The following PIAS1 variants were observed in gnomAD, a reference collection of about 807,000 sequenced individuals.
PIAS1 encodes E3 SUMO-protein ligase PIAS1.
PIAS1 carries 6 observed loss-of-function variants against 71.3 expected under a neutral mutation model. The observed-to-expected ratio is 0.08, with a 90% CI of 0.05 to 0.17. PIAS1 has a LOEUF of 0.17. PIAS1 is among the 10% of genes least tolerant of loss of function. The pLI is 1.00. For synonymous variants in PIAS1, 303 were observed against 292.9 expected, an observed-to-expected ratio of 1.03 and a Z score of -0.35; for missense variants, 555 against 793.6, an observed-to-expected ratio of 0.70 and a Z score of 3.61.
intron 2 of PIAS1, among the ~76,000 whole-genome samples, chr15:68,112,951 ATG>A (rs1288219049): frequency 1.3e-5 from 2 of 152,328 alleles, no homozygotes; most frequent in East Asian, 3.9e-4. Flanking sequence ...AAACATGAAA[ATG>A]ACCTAAGTGT....
chr15:68,120,452 A>G (rs546197486), intron 2 of PIAS1, among the ~76,000 whole-genome samples: 124 of 151,586 alleles, frequency 8.2e-4, no homozygotes, highest in African/African-American at 2.6e-3. Context: ...TTAATGATTC[A>G]ATTTTTGTCT....
intron 7 of PIAS1, among the ~76,000 whole-genome samples, chr15:68,163,094 TTTAG>T (rs1459100580): frequency 2.0e-5 from 3 of 152,288 alleles, no homozygotes; most frequent in East Asian, 1.9e-4. Context: ...TAGCCCTTCG[TTTAG>T]TTAGTTGACA....
rs562578867 is a variant in PIAS1 at position 68,190,145 on chromosome 15, G to C, written c.*2310G>C. 6.6e-6 allele frequency: 1 copy of C among 152,256 alleles called. No homozygotes were observed. Among genetic ancestry groups the C allele is most frequent in the African/African-American group, 2.4e-5 (1 of 41,554 alleles). 9.4% of individuals were successfully genotyped at this position (152,256 alleles called of 1,614,324 possible). ...TCTACTTTCTTCAGTTGTAGAAAAG[G>C]TTAATTTCCCTCAGTGTCCCACATT... On this transcript the variant is annotated 3_prime_UTR_variant, in exon 14 of 14. Coordinates refer to ENST00000249636, the MANE Select transcript of PIAS1 (RefSeq NM_016166.3). This position sits in a 1 kb window ranked among gnomAD's most constrained non-coding sequence, Gnocchi z 4.7.
At chr15:68,101,699 G>T (rs1184007541) in intron 2 of PIAS1, among the ~76,000 whole-genome samples, 2 of 152,022 alleles carry the variant, frequency 1.3e-5, no homozygotes, top group African/African-American at 4.8e-5. Flanking sequence ...CTCATTTACT[G>T]ATTTGTTTCT....
At chr15:68,081,010 A>T (rs2092223464) in intron 1 of PIAS1, among the ~76,000 whole-genome samples, 1 of 152,230 alleles carries the variant, frequency 6.6e-6, no homozygotes, top group South Asian at 2.1e-4. Flanking sequence ...CTAATGAGAC[A>T]ATAAAACTGG....
In PIAS1 at chr15:68,078,268, G is replaced by C. The variant is rs7175375; in HGVS notation, c.25-8038G>C. Among the ~76,000 whole-genome samples the C allele has an allele frequency of 5.1e-3, 777 of 152,252 alleles. 1 individual carries two copies. The highest frequency in any genetic ancestry group is 0.017 in the African/African-American group (703 of 41,544). On this transcript the variant is annotated intron_variant, in intron 1 of 13. Coordinates refer to ENST00000249636, the MANE Select transcript of PIAS1 (RefSeq NM_016166.3). ...TGTAGAATATTGAACATGGCCTGTA[G>C]TTTTTCTTTGCAGTATTTCTTGGTC...
rs2093124099 is a variant in PIAS1, at chr15:68,192,326, C to T, written c.*4491C>T. ...AGGTAATGAAGTTTAAGCACCAGGACCCTTCACTTGTTCTGGTCCTAGGAG... is the reference window on the plus strand; with the variant it reads ...AGGTAATGAAGTTTAAGCACCAGGATCCTTCACTTGTTCTGGTCCTAGGAG... On this transcript the variant is annotated 3_prime_UTR_variant, in exon 14 of 14. Transcript: ENST00000249636. 6.6e-6 allele frequency: 1 copy of T among 152,112 alleles called. No individual in the cohort carries two copies. Among genetic ancestry groups the T allele is most frequent in the African/African-American group, 2.4e-5 (1 of 41,422 alleles). The allele number at this position is 152,112 out of a possible 1,614,324, so 9.4% of individuals were successfully genotyped here. A position where few individuals can be genotyped will look rare whatever the true frequency, so the allele number is the denominator to read the frequency against.
intron 2 of PIAS1, among the ~76,000 whole-genome samples, chr15:68,102,850 A>G (rs1567042800): frequency 6.6e-6 from 1 of 151,858 alleles, no homozygotes; most frequent in Non-Finnish European, 1.5e-5. Context: ...CCTTCCATTT[A>G]TTTACTTTGC....
intron 1 of PIAS1, among the ~76,000 whole-genome samples, chr15:68,060,705 A>G (rs1198800236): frequency 6.6e-6 from 1 of 152,120 alleles, no homozygotes; most frequent in Non-Finnish European, 1.5e-5. Context: ...CATATTTTTA[A>G]TCTCAAAACA....
At position 68,174,559 on chromosome 15, in the gene PIAS1, A is replaced by G. The variant is rs1334798678; in HGVS notation, c.1169+667A>G. Among the ~76,000 whole-genome samples, 1 of 152,148 alleles carries G rather than the reference A, an allele frequency of 6.6e-6. No individual in the cohort carries two copies. The highest frequency in any genetic ancestry group is 1.5e-5 in the Non-Finnish European group (1 of 68,038). On this transcript the variant is annotated intron_variant, in intron 9 of 13. Coordinates refer to ENST00000249636, the MANE Select transcript of PIAS1 (RefSeq NM_016166.3). This position sits in a 1 kb window ranked among gnomAD's most constrained non-coding sequence, Gnocchi z 4.0. Reference sequence around the variant, plus strand: ...TTTTTGGGGATGGGGGGTTAGAGACAGAGTCTTGCCATTTTGCCCAGGCTG... The same window carrying G: ...TTTTTGGGGATGGGGGGTTAGAGACGGAGTCTTGCCATTTTGCCCAGGCTG...
rs370033354 is a variant in PIAS1 at position 68,156,280 on chromosome 15, TACAATAGGGGA to T, written c.934+2588_934+2598del. Among the ~76,000 whole-genome samples, 30 of 152,202 alleles carry T rather than the reference TACAATAGGGGA, an allele frequency of 2.0e-4. No homozygotes were observed. The East Asian group carries it at 4.6e-3, about 24-fold the overall frequency. On this transcript the variant is annotated intron_variant, in intron 7 of 13. Coordinates refer to ENST00000249636, the MANE Select transcript of PIAS1 (RefSeq NM_016166.3). The stretch of plus-strand genomic sequence containing the variant: ...AGATAGACAGGGAACTCTGTAGAGG[TACAATAGGGGA>T]ACGTAGTCCTCTCTGATACTGTGAT...
rs140623657 is a variant in PIAS1 at position 68,119,598 on chromosome 15, A to G, written c.470-22348A>G. Among the ~76,000 whole-genome samples, 238 of 152,330 alleles carry G rather than the reference A, an allele frequency of 1.6e-3. 3 individuals carry two copies. The highest frequency in any genetic ancestry group is 0.015 in the Admixed American group (223 of 15,302). ...TTGTTTTTGACTCAGAATATGGTCT[A>G]TCTTGGTAAATGTTCTGTGTGCATT... On this transcript the variant is annotated intron_variant, in intron 2 of 13. Transcript: ENST00000249636.
chr15:68,060,903 C>G (rs1463003599), intron 1 of PIAS1, among the ~76,000 whole-genome samples: 5 of 152,198 alleles, frequency 3.3e-5, no homozygotes, highest in Non-Finnish European at 7.3e-5. Context: ...AGGTTGGTCT[C>G]TATCTCTTGA....
Position 68,154,174 on chromosome 15 carries a change from T to C in PIAS1, c.934+479T>C, listed in dbSNP as rs2092870326. Among the ~76,000 whole-genome samples the C allele has an allele frequency of 2.0e-5, 3 of 152,226 alleles. 1 individual carries two copies. The South Asian group carries it at 6.2e-4, about 32-fold the overall frequency. Reference sequence around the variant, plus strand: ...TCCTGAGTTTCATCTTCCTCATCTGTAACAAGAAGTTTATGCCGTCTGATT... The same window carrying C: ...TCCTGAGTTTCATCTTCCTCATCTGCAACAAGAAGTTTATGCCGTCTGATT... On this transcript the variant is annotated intron_variant, in intron 7 of 13. Coordinates refer to ENST00000249636, the MANE Select transcript of PIAS1 (RefSeq NM_016166.3).
chr15:68,056,047 G>A (rs931866210), intron 1 of PIAS1: 2 of 562,514 alleles, frequency 3.6e-6, no homozygotes, highest in African/African-American at 3.7e-5. Flanking sequence ...AAAGCCTTAG[G>A]AATTTGAATA....
At chr15:68,100,936 C>T (rs572341886) in intron 2 of PIAS1, among the ~76,000 whole-genome samples, 1 of 151,582 alleles carries the variant, frequency 6.6e-6, no homozygotes, top group South Asian at 2.1e-4. Context: ...CGCTCTGTCA[C>T]CCAGGGTGGA....
intron 4 of PIAS1, among the ~76,000 whole-genome samples, chr15:68,144,120 A>G (rs759657822): frequency 2.7e-4 from 19 of 69,552 alleles, no homozygotes; most frequent in South Asian, 8.3e-4. Context: ...CAGGACTTGG[A>G]AAAAAAAAAA....
rs146596065 is a variant in PIAS1, at chr15:68,090,775, T to G, written c.469+4025T>G. 4.9e-3 allele frequency among the ~76,000 whole-genome samples: 740 copies of G among 152,290 alleles called. 5 individuals carry two copies. Among genetic ancestry groups the G allele is most frequent in the African/African-American group, 0.017 (706 of 41,538 alleles). On this transcript the variant is annotated intron_variant, in intron 2 of 13. Coordinates refer to ENST00000249636, the MANE Select transcript of PIAS1 (RefSeq NM_016166.3). Reference sequence around the variant, plus strand: ...CATCTCTGAGGTTAATTGATGTCTTTGAAATTTAATATACTCCATTTAAAA... The same window carrying G: ...CATCTCTGAGGTTAATTGATGTCTTGGAAATTTAATATACTCCATTTAAAA...
intron 2 of PIAS1, among the ~76,000 whole-genome samples, chr15:68,088,248 A>T (rs1296223928): frequency 6.9e-6 from 1 of 144,620 alleles, no homozygotes; most frequent in East Asian, 2.1e-4. Context: ...ATATCTCTGT[A>T]TATGGTCTGT....
Sources: gnomAD v4.1 joint callset for allele counts (sites outside exome capture counted in the v4.1 genomes callset) on GRCh38, gnomAD v4.1.1 for gene constraint, Gnocchi (gnomAD v3.1) non-coding constraint, MANE v1.5 for transcripts, NCBI Gene and HGNC (gene_info 2026-07-23, HGNC 2026-07-21) for gene names.